Variants in SPINK1 observed in about 807,000 individuals in gnomAD.
The protein encoded by SPINK1 is serine peptidase inhibitor Kazal type 1.
SPINK1 carries 5 observed loss-of-function variants against 9.5 expected under a neutral mutation model. The observed-to-expected ratio is 0.52, with a 90% CI of 0.27 to 1.10. The LOEUF is 1.10. Among genes scored for constraint, SPINK1 ranks in the 50% least tolerant of loss-of-function variants. The pLI is 0.11. For missense variants in SPINK1, 88 were observed against 92.7 expected (o/e 0.95, Z 0.21); for synonymous variants, 37 against 32.3 (o/e 1.14, Z -0.49).
chr5:147,828,211 C>A lies in SPINK1; in HGVS notation c.88-83G>T. The stretch of plus-strand genomic sequence containing the variant: ...CAAAATCTCTGAAATGGTTTTATTT[C>A]TCTGGGGAATAACTGTGATTGGGAG... On this transcript the variant is annotated intron_variant, in intron 2 of 3. Transcript: ENST00000296695. The A allele has an allele frequency of 3.9e-6, 4 of 1,033,462 alleles. No individual in the cohort carries two copies. In the South Asian group the frequency reaches 4.0e-5, roughly 10 times the overall value. 64.0% of individuals were successfully genotyped at this position (1,033,462 alleles called of 1,614,324 possible). A position where few individuals can be genotyped will look rare whatever the true frequency, so the allele number is the denominator to read the frequency against.
chr5:147,838,096 T>A, the SPINK1 span, among the ~76,000 whole-genome samples: 1 of 152,174 alleles, frequency 6.6e-6, no homozygotes, highest in East Asian at 1.9e-4. Context: ...TCAGCTCTTT[T>A]CACTGATAGA....
At chr5:147,838,321 G>T in the SPINK1 span, among the ~76,000 whole-genome samples, 1 of 152,164 alleles carries the variant, frequency 6.6e-6, no homozygotes, top group Non-Finnish European at 1.5e-5. Context: ...GGGACAAAAG[G>T]TCAATTAATG....
chr5:147,835,751 TTAAC>T (rs1756585181), upstream of SPINK1, among the ~76,000 whole-genome samples: 1 of 152,092 alleles, frequency 6.6e-6, no homozygotes, highest in Admixed American at 6.6e-5. Context: ...TGCCCAAAGT[TTAAC>T]TAGTAAGAAA....
At chr5:147,825,435 C>CATTTTTTCT (rs1756384008) in intron 3 of SPINK1, among the ~76,000 whole-genome samples, 1 of 107,426 alleles carries the variant, frequency 9.3e-6, no homozygotes, top group Non-Finnish European at 2.3e-5. Context: ...TTTTTCTTTT[C>CATTTTTTCT]TTTTTTTCTT....
At chr5:147,831,366 TA>T (rs1756504859) in intron 1 of SPINK1, among the ~76,000 whole-genome samples, 156 bp downstream of exon 1, 1 of 152,202 alleles carries the variant, frequency 6.6e-6, no homozygotes, top group East Asian at 1.9e-4. Context: ...AAATTCCTCT[TA>T]AAAAATAATT....
chr5:147,825,232 A>G (rs541343660), intron 3 of SPINK1, among the ~76,000 whole-genome samples: 1 of 152,240 alleles, frequency 6.6e-6, no homozygotes, highest in East Asian at 1.9e-4. Flanking sequence ...TTCGCCCCAC[A>G]CTACCATTAC....
At chr5:147,831,685 C>T (rs954248964), upstream of SPINK1, 2 of 1,555,734 alleles carry the variant, frequency 1.3e-6, no homozygotes, top group African/African-American at 2.7e-5. Flanking sequence ...AGCAAGGCCC[C>T]ACCTACTGGG....
intron 1 of SPINK1, among the ~76,000 whole-genome samples, chr5:147,830,969 C>T (rs59878601): frequency 6.6e-6 from 1 of 151,974 alleles, no homozygotes; most frequent in African/African-American, 2.4e-5. Context: ...TTTCCAGATA[C>T]TAATAAGAAA....
intron 2 of SPINK1, among the ~76,000 whole-genome samples, chr5:147,828,584 C>T (rs1282157687): frequency 3.3e-5 from 5 of 152,130 alleles, no homozygotes; most frequent in South Asian, 2.1e-4. Flanking sequence ...TAGGCATTGT[C>T]GGGTGTTGGA....
intron 3 of SPINK1, 50 bp downstream of exon 3, chr5:147,827,972 A>T: frequency 7.2e-7 from 1 of 1,395,374 alleles, no homozygotes; most frequent in Non-Finnish European, 1.0e-6. Context: ...ACACTTGAAG[A>T]TAACTAACTT....
chr5:147,829,222 C>T (rs1332577697), intron 2 of SPINK1, among the ~76,000 whole-genome samples: 3 of 152,130 alleles, frequency 2.0e-5, no homozygotes, highest in Admixed American at 1.3e-4. Context: ...TAAATTAGAG[C>T]CACACCTTGG....
chr5:147,825,432 TTTC>T (rs1756383884), intron 3 of SPINK1, among the ~76,000 whole-genome samples: 1 of 114,466 alleles, frequency 8.7e-6, no homozygotes, highest in Non-Finnish European at 2.2e-5. Context: ...TTTTTTTTCT[TTTC>T]TTTTTTTCTT....
chr5:147,829,345 G>C (rs1756467134), intron 2 of SPINK1, among the ~76,000 whole-genome samples: 1 of 152,146 alleles, frequency 6.6e-6, no homozygotes, highest in South Asian at 2.1e-4. Flanking sequence ...GCTATCACTA[G>C]TCTATATAAA....
intron 3 of SPINK1, among the ~76,000 whole-genome samples, chr5:147,825,435 C>CTTTTTTACT (rs1256599775): frequency 9.3e-6 from 1 of 107,426 alleles, no homozygotes; most frequent in Admixed American, 8.6e-5. Context: ...TTTTTCTTTT[C>CTTTTTTACT]TTTTTTTCTT....
chr5:147,831,953 G>A (rs1024282670), upstream of SPINK1, among the ~76,000 whole-genome samples: 10 of 152,206 alleles, frequency 6.6e-5, no homozygotes, highest in Non-Finnish European at 2.9e-5. Context: ...CTACTCTGTA[G>A]TTCTGGATAG....
intron 3 of SPINK1, 21 bp downstream of exon 3, chr5:147,828,001 G>T: frequency 6.4e-7 from 1 of 1,569,386 alleles, no homozygotes; most frequent in East Asian, 2.3e-5. Context: ...TAGTTTAAAA[G>T]AAACTCAAGT....
upstream of SPINK1, among the ~76,000 whole-genome samples, chr5:147,835,381 G>T (rs1179534233): frequency 6.6e-6 from 1 of 151,992 alleles, no homozygotes; most frequent in East Asian, 1.9e-4. Flanking sequence ...ATATACTGAG[G>T]CCTCATACAA....
At chr5:147,831,092 A>G (rs1299731147) in intron 1 of SPINK1, among the ~76,000 whole-genome samples, 2 of 152,236 alleles carry the variant, frequency 1.3e-5, no homozygotes, top group Non-Finnish European at 2.9e-5. Flanking sequence ...ACAATAAAAA[A>G]ATAAATTTTT....
chr5:147,837,665 CTT>C, the SPINK1 span, among the ~76,000 whole-genome samples: 1 of 130,594 alleles, frequency 7.7e-6, no homozygotes, highest in Non-Finnish European at 1.6e-5. Context: ...TTCTTTCTTT[CTT>C]TCTTTCTTTC....
Sources: gnomAD v4.1 joint callset for allele counts (sites outside exome capture counted in the v4.1 genomes callset) on GRCh38, gnomAD v4.1.1 for gene constraint, MANE v1.5 for transcripts, NCBI Gene and HGNC (gene_info 2026-07-23, HGNC 2026-07-21) for gene names.